Variants in FIGN observed in about 807,000 individuals in gnomAD.
FIGN encodes fidgetin.
Under a neutral mutation model 51.3 loss-of-function variants are expected in FIGN, and 11 were observed. The ratio of observed to expected loss-of-function variants is 0.21; its 90% CI spans 0.13 to 0.35. The LOEUF (loss-of-function observed/expected upper bound fraction) is 0.35. Ranked by LOEUF, FIGN falls within the 10% of genes least tolerant of loss-of-function variation. The probability of loss-of-function intolerance (pLI) is 1.00; values close to 1 mark genes in which losing one functional copy is unlikely to be tolerated. For synonymous variants in FIGN, 407 were observed against 363.2 expected (o/e 1.12, Z -1.37); for missense variants, 857 against 943.6 (o/e 0.91, Z 1.20).
chr2:163,734,880 A>G (rs1249165502), intron 2 of FIGN, 23 bp downstream of exon 2: 5 of 1,599,444 alleles, frequency 3.1e-6, no homozygotes, highest in Middle Eastern at 1.7e-4. Flanking sequence ...ATGCAAAGGA[A>G]GTAAATTCCA....
At chr2:163,710,230 G>A (rs973668679) in intron 2 of FIGN, among the ~76,000 whole-genome samples, 68 of 152,106 alleles carry the variant, frequency 4.5e-4, no homozygotes, top group African/African-American at 1.5e-3. Context: ...AGGGATAAGG[G>A]TAGTCATCCA....
chr2:163,630,295 T>C (rs1276969632), intron 2 of FIGN, among the ~76,000 whole-genome samples: 1 of 151,840 alleles, frequency 6.6e-6, no homozygotes, highest in East Asian at 1.9e-4. Flanking sequence ...TTGAGATGGG[T>C]AGGAAGGAGC....
intron 2 of FIGN, among the ~76,000 whole-genome samples, chr2:163,632,613 G>A (rs529851102): frequency 6.6e-6 from 1 of 152,190 alleles, no homozygotes; most frequent in African/African-American, 2.4e-5. Flanking sequence ...GGAATGTGGG[G>A]ATAAAAACAA....
chr2:163,618,162 T>C lies in FIGN; in HGVS notation c.26-6356A>G, dbSNP rs534869849. Reference sequence around the variant, plus strand: ...TTTCAAATGTTTTCAAAGTATTTTATTTATTTTTGATGTTTCCTGTGACTC... The same window carrying C: ...TTTCAAATGTTTTCAAAGTATTTTACTTATTTTTGATGTTTCCTGTGACTC... On this transcript the variant is annotated intron_variant, in intron 2 of 2. Transcript: ENST00000333129. Among the ~76,000 whole-genome samples, 7 of 152,312 alleles carry C rather than the reference T, an allele frequency of 4.6e-5. No homozygotes were observed. The East Asian group carries it at 1.4e-3, about 29-fold the overall frequency.
intron 2 of FIGN, among the ~76,000 whole-genome samples, chr2:163,690,479 C>T (rs1388525993): frequency 6.6e-6 from 1 of 151,956 alleles, no homozygotes; most frequent in East Asian, 1.9e-4. Flanking sequence ...TGGGATAGAA[C>T]CATTTGTAAA....
At chr2:163,637,571 T>G (rs918182712) in intron 2 of FIGN, among the ~76,000 whole-genome samples, 3 of 152,152 alleles carry the variant, frequency 2.0e-5, no homozygotes, top group Non-Finnish European at 2.9e-5. Flanking sequence ...AAAATGAGAT[T>G]TATGCCAAAA....
At position 163,680,951 on chromosome 2, in the gene FIGN, T is replaced by C. The variant is rs1044774682; in HGVS notation, c.25+53952A>G. The stretch of plus-strand genomic sequence containing the variant: ...TAACATATTATTTGAACATATGGCA[T>C]GTGCCAGACACTATGCTAAGGTACT... On this transcript the variant is annotated intron_variant, in intron 2 of 2. Coordinates refer to ENST00000333129, the MANE Select transcript of FIGN (RefSeq NM_018086.4). Among the ~76,000 whole-genome samples, 17 of 152,324 alleles carry C rather than the reference T, an allele frequency of 1.1e-4. 1 individual carries two copies. In the East Asian group the frequency reaches 2.7e-3, roughly 24 times the overall value.
At chr2:163,704,656 TCA>T (rs369275881) in intron 2 of FIGN, among the ~76,000 whole-genome samples, 7,316 of 129,046 alleles carry the variant, frequency 0.057, 305 homozygotes, top group African/African-American at 0.097. Context: ...TCTCTCTCTC[TCA>T]CACACACACA....
Position 163,609,827 on chromosome 2 carries a change from G to T in FIGN, c.2005C>A (p.His669Asn). ...HQIIVQLLSQ[H>N]NYCLNDKEFA... ...TCCTTGTCATTGAGACAGTAATTGT[G>T]CTGTGAGAGCAGTTGTACTATTATC... Residue 669 changes from histidine (H) to asparagine (N), a missense_variant, in exon 3 of 3, where the codon CAC (histidine) becomes AAC (asparagine). Physicochemically the swap from His to Asn is moderately conservative, Grantham distance 68. This residue lies in a region of FIGN where 799 missense variants were observed against 849.5 expected (regional missense o/e 0.94). Transcript: ENST00000333129. The T allele has an allele frequency of 6.2e-7, 1 of 1,614,164 alleles. No homozygotes were observed. The highest frequency in any genetic ancestry group is 8.5e-7 in the Non-Finnish European group (1 of 1,180,032).
Position 163,611,434 on chromosome 2 carries a change from G to C in FIGN, c.398C>G (p.Ala133Gly), listed in dbSNP as rs778442875. Residue 133 changes from alanine (A) to glycine (G), a missense_variant, in exon 3 of 3, where the codon GCT becomes GGT. Physicochemically the swap from Ala to Gly is moderately conservative, Grantham distance 60. This residue lies in a region of FIGN where 799 missense variants were observed against 849.5 expected (regional missense o/e 0.94). Transcript: ENST00000333129. ...CVPDVITASKAGVSSALPPAD... is the reference protein window; with the variant it reads ...CVPDVITASKGGVSSALPPAD... ...TGGAGGGAGGGCTGAACTGACTCCA[G>C]CTTTGCTGGCAGTGATAACATCCGG... The C allele has an allele frequency of 1.2e-6, 2 of 1,614,148 alleles. No homozygotes were observed. The highest frequency in any genetic ancestry group is 1.7e-6 in the Non-Finnish European group (2 of 1,180,024).
intron 2 of FIGN, among the ~76,000 whole-genome samples, chr2:163,624,048 T>A (rs1194429542): frequency 1.6e-5 from 2 of 124,120 alleles, no homozygotes; most frequent in Non-Finnish European, 3.9e-5. Context: ...ATTTGAGTAC[T>A]AATATTCAGG....
intron 2 of FIGN, among the ~76,000 whole-genome samples, chr2:163,619,871 C>T (rs932915602): frequency 2.6e-5 from 4 of 151,992 alleles, no homozygotes; most frequent in Admixed American, 2.6e-4. Context: ...CACACAAATC[C>T]ACATAGTTTA....
intron 2 of FIGN, among the ~76,000 whole-genome samples, chr2:163,682,578 T>C (rs1684082638): frequency 6.6e-6 from 1 of 152,214 alleles, no homozygotes; most frequent in South Asian, 2.1e-4. Context: ...AAATTACCTT[T>C]ACAGTCATGG....
chr2:163,691,005 T>C (rs1363761150), intron 2 of FIGN, among the ~76,000 whole-genome samples: 1 of 152,172 alleles, frequency 6.6e-6, no homozygotes, highest in African/African-American at 2.4e-5. Flanking sequence ...TTCAATATGC[T>C]GTTGGGTAAA....
intron 2 of FIGN, among the ~76,000 whole-genome samples, chr2:163,649,627 C>T (rs761741099): frequency 2.6e-5 from 4 of 152,140 alleles, no homozygotes; most frequent in Non-Finnish European, 2.9e-5. Flanking sequence ...CCCCAGCCAA[C>T]GTCATCTTGA....
intron 2 of FIGN, among the ~76,000 whole-genome samples, chr2:163,649,552 T>G (rs985677143): frequency 6.6e-6 from 1 of 152,180 alleles, no homozygotes; most frequent in Admixed American, 6.5e-5. Context: ...GCTGTCCATC[T>G]AGGCACCCAG....
intron 2 of FIGN, among the ~76,000 whole-genome samples, chr2:163,727,411 T>C (rs1573976183): frequency 1.3e-5 from 2 of 151,764 alleles, no homozygotes; most frequent in Non-Finnish European, 2.9e-5. Flanking sequence ...TCCTAAACTG[T>C]GGGGTAAATT....
At chr2:163,665,362 G>C (rs1683756933) in intron 2 of FIGN, among the ~76,000 whole-genome samples, 1 of 152,224 alleles carries the variant, frequency 6.6e-6, no homozygotes, top group Non-Finnish European at 1.5e-5. Flanking sequence ...CTGAGGGATA[G>C]TAAACATTCT....
intron 2 of FIGN, among the ~76,000 whole-genome samples, chr2:163,697,226 G>A (rs1364829754): frequency 6.7e-6 from 1 of 148,836 alleles, no homozygotes; most frequent in African/African-American, 2.5e-5. Flanking sequence ...CCAGCCTCCC[G>A]AGTAGCTGGG....
Sources: gnomAD v4.1 joint callset for allele counts (sites outside exome capture counted in the v4.1 genomes callset) on GRCh38, gnomAD v4.1.1 for gene constraint, gnomAD v4.1.1 regional missense constraint, MANE v1.5 for transcripts, NCBI Gene and HGNC (gene_info 2026-07-23, HGNC 2026-07-21) for gene names.